The following DLGAP5 variants were observed in gnomAD, a reference collection of about 807,000 sequenced individuals.
DLGAP5 encodes the protein DLG associated protein 5.
Under a neutral mutation model 99.6 loss-of-function variants are expected in DLGAP5, and 90 were observed. That is an observed-to-expected ratio of 0.90 (90% confidence interval 0.76 to 1.08). DLGAP5 has a LOEUF of 1.08. Among genes scored for constraint, DLGAP5 ranks in the 50% least tolerant of loss-of-function variants. The pLI is 0.00. For missense variants in DLGAP5, 1,036 were observed against 983.5 expected (o/e 1.05, Z -0.71); for synonymous variants, 311 against 321.3 (o/e 0.97, Z 0.34).
At chr14:55,179,286 G>A (rs775940483) in intron 7 of DLGAP5, among the ~76,000 whole-genome samples, 5 of 152,174 alleles carry the variant, frequency 3.3e-5, no homozygotes, top group Non-Finnish European at 7.3e-5. Flanking sequence ...AGCAGAGAGA[G>A]TATTCAAACC....
At chr14:55,185,198 T>TTTTATTTA (rs900821383) in intron 2 of DLGAP5, among the ~76,000 whole-genome samples, 1 of 152,116 alleles carries the variant, frequency 6.6e-6, no homozygotes, top group Non-Finnish European at 1.5e-5. Context: ...CTATCAACAC[T>TTTTATTTA]TTTATTTATT....
At chr14:55,155,871 G>A (rs1346180185) in intron 14 of DLGAP5, among the ~76,000 whole-genome samples, 3 of 151,556 alleles carry the variant, frequency 2.0e-5, no homozygotes, top group Non-Finnish European at 2.9e-5. Context: ...GGTGGATCAC[G>A]GGGCCAGAAG....
intron 4 of DLGAP5, among the ~76,000 whole-genome samples, chr14:55,181,869 T>C (rs948109577): frequency 2.0e-5 from 3 of 152,198 alleles, no homozygotes; most frequent in African/African-American, 7.2e-5. Context: ...AAAGAGAATT[T>C]AGTTTATTAT....
At chr14:55,175,662 C>T (rs374090103) in intron 9 of DLGAP5, among the ~76,000 whole-genome samples, 190 bp from the exon 10 acceptor site, 7 of 152,124 alleles carry the variant, frequency 4.6e-5, no homozygotes, top group Admixed American at 6.5e-5. Flanking sequence ...TATTTCCCCT[C>T]TTCTGTCTGT....
intron 18 of DLGAP5, 25 bp downstream of exon 18, chr14:55,150,774 G>A (rs769244934): frequency 1.3e-4 from 192 of 1,528,122 alleles, no homozygotes; most frequent in Admixed American, 6.3e-4. Context: ...GAATATAAAG[G>A]GACTTGTCAA....
At chr14:55,184,714 A>G (rs372085212) in intron 2 of DLGAP5, among the ~76,000 whole-genome samples, 2 of 152,222 alleles carry the variant, frequency 1.3e-5, no homozygotes, top group East Asian at 3.9e-4. Context: ...AGATGTCCAC[A>G]TGACAAAGAA....
intron 1 of DLGAP5, among the ~76,000 whole-genome samples, chr14:55,190,137 A>C (rs1883560115): frequency 6.6e-6 from 1 of 152,164 alleles, no homozygotes; most frequent in Non-Finnish European, 1.5e-5. Context: ...TCCATACAAG[A>C]AATCATACAG....
At chr14:55,181,598 C>T (rs189888497) in intron 4 of DLGAP5, among the ~76,000 whole-genome samples, 44 of 152,326 alleles carry the variant, frequency 2.9e-4, no homozygotes, top group Non-Finnish European at 1.5e-4. Flanking sequence ...CATACTTTCA[C>T]TTCAAGACCT....
intron 14 of DLGAP5, among the ~76,000 whole-genome samples, chr14:55,155,448 G>A (rs1882179936): frequency 6.6e-6 from 1 of 151,312 alleles, no homozygotes; most frequent in Non-Finnish European, 1.5e-5. Flanking sequence ...CTGGGTTCAA[G>A]TGATTCTCCT....
chr14:55,168,784 C>A (rs1477245697), intron 12 of DLGAP5, among the ~76,000 whole-genome samples: 1 of 152,126 alleles, frequency 6.6e-6, no homozygotes, highest in African/African-American at 2.4e-5. Flanking sequence ...TAACTGTTAG[C>A]TGAACTCAAC....
intron 12 of DLGAP5, among the ~76,000 whole-genome samples, chr14:55,165,828 T>C (rs557166099): frequency 1.3e-5 from 2 of 152,310 alleles, no homozygotes; most frequent in South Asian, 4.1e-4. Flanking sequence ...TATCTTATTG[T>C]ACTATACCTC....
At chr14:55,171,001 AC>A (rs1435425528) in intron 10 of DLGAP5, among the ~76,000 whole-genome samples, 1 of 152,238 alleles carries the variant, frequency 6.6e-6, no homozygotes, top group African/African-American at 2.4e-5. Context: ...TATACCTAAA[AC>A]TTATGTGGCT....
At chr14:55,183,021 G>C (rs1883324783) in intron 3 of DLGAP5, among the ~76,000 whole-genome samples, 1 of 152,058 alleles carries the variant, frequency 6.6e-6, no homozygotes, top group African/African-American at 2.4e-5. Flanking sequence ...TTTAGCAGCA[G>C]AGCTTCTCTC....
At chr14:55,166,328 A>C (rs1882639686) in intron 12 of DLGAP5, among the ~76,000 whole-genome samples, 1 of 152,192 alleles carries the variant, frequency 6.6e-6, no homozygotes, top group Admixed American at 6.5e-5. Flanking sequence ...GAAATATCCC[A>C]AAAAAAGGCA....
At chr14:55,169,269 G>T in intron 12 of DLGAP5, 130 bp downstream of exon 12, 1 of 464,132 alleles carries the variant, frequency 2.2e-6, no homozygotes, top group Non-Finnish European at 3.5e-6. Context: ...GTTTATCAAA[G>T]TGCTTTATAA....
intron 2 of DLGAP5, 79 bp downstream of exon 2, chr14:55,188,863 G>T: frequency 9.7e-7 from 1 of 1,034,370 alleles, no homozygotes; most frequent in Non-Finnish European, 1.4e-6. Flanking sequence ...TCTGGCCAGA[G>T]TTTTTTACTC....
rs556277680 is a variant in DLGAP5 at position 55,173,254 on chromosome 14, A to G, written c.1301+2092T>C. Among the ~76,000 whole-genome samples the G allele has an allele frequency of 2.2e-5, 3 of 138,936 alleles. No homozygotes were observed. The Admixed American group carries it at 2.3e-4, about 11-fold the overall frequency. 91.1% of individuals were successfully genotyped at this position (138,936 alleles called of 152,430 possible). ...GTTCGAGACCAGCTTGGGCAATATC[A>G]TAAGACCCCCGTCTCTACAAAAAAA... On this transcript the variant is annotated intron_variant, in intron 10 of 18. Coordinates refer to ENST00000247191, the MANE Select transcript of DLGAP5 (RefSeq NM_014750.5).
Position 55,170,619 on chromosome 14 carries a change from G to A in DLGAP5, c.1387+83C>T, listed in dbSNP as rs998360331. 4.2e-6 allele frequency: 5 copies of A among 1,178,650 alleles called. No individual in the cohort carries two copies. In the Admixed American group the frequency reaches 5.6e-5, roughly 13 times the overall value. 73.0% of individuals were successfully genotyped at this position (1,178,650 alleles called of 1,614,324 possible). A position where few individuals can be genotyped will look rare whatever the true frequency, so the allele number is the denominator to read the frequency against. On this transcript the variant is annotated intron_variant, in intron 11 of 18. Coordinates refer to ENST00000247191, the MANE Select transcript of DLGAP5 (RefSeq NM_014750.5). ...AATGATAATGAAACAATAAAGTTAG[G>A]CAATGCTATATTTTTATGTTTCAGA...
At chr14:55,161,735 C>G (rs1250164049) in intron 13 of DLGAP5, among the ~76,000 whole-genome samples, 1 of 149,486 alleles carries the variant, frequency 6.7e-6, no homozygotes, top group East Asian at 2.0e-4. Flanking sequence ...TAAGGCCGAG[C>G]GCAGTGGCTC....
Sources: gnomAD v4.1 joint callset for allele counts (sites outside exome capture counted in the v4.1 genomes callset) on GRCh38, gnomAD v4.1.1 for gene constraint, MANE v1.5 for transcripts, NCBI Gene and HGNC (gene_info 2026-07-23, HGNC 2026-07-21) for gene names.